The following PCDHA4 variants were observed in gnomAD, a reference collection of about 807,000 sequenced individuals.
The protein encoded by PCDHA4 is protocadherin alpha-4.
Under a neutral mutation model 61.4 loss-of-function variants are expected in PCDHA4, and 49 were observed. That is an observed-to-expected ratio of 0.80 (90% CI 0.63 to 1.01). The LOEUF (loss-of-function observed/expected upper bound fraction) is 1.01. Ranked by LOEUF, PCDHA4 falls within the 50% of genes least tolerant of loss-of-function variation. PCDHA4 has a pLI of 0.00. For synonymous variants in PCDHA4, 590 were observed against 550.3 expected (o/e 1.07, Z -1.01); for missense variants, 1,254 against 1,235.8 (o/e 1.01, Z -0.22).
chr5:140,854,993 C>T lies in PCDHA4; in HGVS notation c.2385+45421C>T, dbSNP rs781816835. Among the ~76,000 whole-genome samples, 37 of 149,404 alleles carry T rather than the reference C, an allele frequency of 2.5e-4. 3 individuals carry two copies. The highest frequency in any genetic ancestry group is 4.7e-4 in the Admixed American group (7 of 14,878). ...AATTATAATTAAGATTCTTTTTGCC[C>T]GTGTAAGATATTATAAAATGAAACT... is the stretch of plus-strand genomic sequence containing the variant. On this transcript the variant is annotated intron_variant, in intron 1 of 3. Coordinates refer to ENST00000530339, the MANE Select transcript of PCDHA4 (RefSeq NM_018907.4).
intron 1 of PCDHA4, among the ~76,000 whole-genome samples, chr5:140,911,460 G>A (rs1346001317): frequency 1.3e-5 from 2 of 152,140 alleles, no homozygotes; most frequent in African/African-American, 4.8e-5. Context: ...TTTCTCTACA[G>A]GAGATAAGAC....
At chr5:140,830,452 G>A (rs1771077963) in intron 1 of PCDHA4, 2 of 1,597,194 alleles carry the variant, frequency 1.3e-6, no homozygotes, top group African/African-American at 1.3e-5. Flanking sequence ...GTAAGGCGGA[G>A]AATCAGGATT....
At chr5:140,850,270 G>A (rs782505254) in intron 1 of PCDHA4, 1 of 1,594,948 alleles carries the variant, frequency 6.3e-7, no homozygotes, top group African/African-American at 1.3e-5. Flanking sequence ...GTAGTGGTGG[G>A]GAAGGTGCGC....
chr5:140,966,953 C>A, intron 1 of PCDHA4: 1 of 1,603,802 alleles, frequency 6.2e-7, no homozygotes. Flanking sequence ...CAACGTGGCT[C>A]GCGCGCTGGG....
Position 140,843,438 on chromosome 5 carries a change from C to A in PCDHA4, c.2385+33866C>A, listed in dbSNP as rs2150359947. 1.3e-4 allele frequency: 208 copies of A among 1,596,096 alleles called. 21 individuals are homozygous for A. The South Asian group carries it at 1.5e-3, about 11-fold the overall frequency. Reference sequence around the variant, plus strand: ...GTGTACCTGATCATCGCCATCTGCGCGGTATCCAGCCTGCTGGTGCTCACG... The same window carrying A: ...GTGTACCTGATCATCGCCATCTGCGAGGTATCCAGCCTGCTGGTGCTCACG... On this transcript the variant is annotated intron_variant, in intron 1 of 3. Transcript: ENST00000530339.
At position 140,948,398 on chromosome 5, in the gene PCDHA4, T is replaced by G. The variant is rs147325819; in HGVS notation, c.2386-30551T>G. 6.9e-3 allele frequency among the ~76,000 whole-genome samples: 1,051 copies of G among 151,748 alleles called. 6 individuals carry two copies. The highest frequency in any genetic ancestry group is 0.017 in the Middle Eastern group (5 of 294). Reference sequence around the variant, plus strand: ...CCTTCCTCTATTTTCTGAAAGGTTGTGTAATATTGGTGTTATTTCTTCCTT... The same window carrying G: ...CCTTCCTCTATTTTCTGAAAGGTTGGGTAATATTGGTGTTATTTCTTCCTT... On this transcript the variant is annotated intron_variant, in intron 1 of 3. Transcript: ENST00000530339.
intron 1 of PCDHA4, among the ~76,000 whole-genome samples, chr5:140,944,533 AG>A (rs1276351803): frequency 6.6e-6 from 1 of 152,148 alleles, no homozygotes; most frequent in Non-Finnish European, 1.5e-5. Flanking sequence ...AAATGATTTA[AG>A]TATTTAAAGA....
intron 1 of PCDHA4, chr5:140,829,244 G>A (rs1386334343): frequency 1.2e-5 from 19 of 1,614,148 alleles, no homozygotes; most frequent in Admixed American, 3.3e-5. Context: ...CAACGGGCAG[G>A]TGAACTGCTC....
intron 1 of PCDHA4, chr5:140,857,093 G>T (rs1554149523): frequency 6.3e-7 from 1 of 1,597,336 alleles, no homozygotes; most frequent in Admixed American, 1.7e-5. Flanking sequence ...TTCACCTGAG[G>T]TGATTGTCAC....
At chr5:140,918,848 G>T (rs2078891260) in intron 1 of PCDHA4, among the ~76,000 whole-genome samples, 1 of 152,134 alleles carries the variant, frequency 6.6e-6, no homozygotes, top group Admixed American at 6.5e-5. Flanking sequence ...TAAATCTGCT[G>T]GTGCCTGAAT....
chr5:140,853,120 C>T lies in PCDHA4; in HGVS notation c.2385+43548C>T, dbSNP rs1036865431. The T allele has an allele frequency of 1.7e-4, 85 of 494,062 alleles. 4 individuals carry two copies. Among genetic ancestry groups the T allele is most frequent in the Middle Eastern group, 1.0e-3 (1 of 976 alleles). 30.6% of individuals were successfully genotyped at this position (494,062 alleles called of 1,614,324 possible). On this transcript the variant is annotated intron_variant, in intron 1 of 3. Coordinates refer to ENST00000530339, the MANE Select transcript of PCDHA4 (RefSeq NM_018907.4). Reference sequence around the variant, plus strand: ...GGTCTCGATCTCCTGACCTCATGATCCTCCCGCCTCAGCCTCCCAAAATGC... The same window carrying T: ...GGTCTCGATCTCCTGACCTCATGATTCTCCCGCCTCAGCCTCCCAAAATGC...
At chr5:140,828,988 G>A (rs2150161679) in intron 1 of PCDHA4, 6 of 1,613,982 alleles carry the variant, frequency 3.7e-6, no homozygotes, top group Non-Finnish European at 5.1e-6. Flanking sequence ...ATCGAAATAC[G>A]GGAGAAATAG....
intron 1 of PCDHA4, chr5:140,852,588 T>A (rs2150519378): frequency 0.079 from 70,028 of 881,224 alleles, 6,599 homozygotes; most frequent in African/African-American, 0.093. Flanking sequence ...TTTTATTTTT[T>A]TTTTTTGTCA....
intron 1 of PCDHA4, chr5:140,862,483 G>A (rs1433222220): frequency 1.6e-5 from 6 of 382,112 alleles, no homozygotes; most frequent in Non-Finnish European, 2.6e-5. Context: ...ATCCATTGTT[G>A]GTAATCGCTC....
At chr5:140,968,474 G>A (rs1394773296) in intron 1 of PCDHA4, 2 of 1,614,110 alleles carry the variant, frequency 1.2e-6, no homozygotes, top group Non-Finnish European at 1.7e-6. Flanking sequence ...CGTATATGTG[G>A]TGGACATGAA....
At chr5:140,972,275 G>A (rs548735122) in intron 1 of PCDHA4, among the ~76,000 whole-genome samples, 1 of 150,974 alleles carries the variant, frequency 6.6e-6, no homozygotes, top group African/African-American at 2.4e-5. Flanking sequence ...GAGTAGCTTG[G>A]ACCATAGATG....
chr5:140,824,952 A>T (rs1480130328), intron 1 of PCDHA4: 2 of 152,172 alleles, frequency 1.3e-5, no homozygotes, highest in Non-Finnish European at 2.9e-5. Flanking sequence ...TTTAAAAATT[A>T]TATTTTTCAT....
chr5:140,838,264 C>T (rs1278285410), intron 1 of PCDHA4, among the ~76,000 whole-genome samples: 3 of 144,252 alleles, frequency 2.1e-5, no homozygotes, highest in Admixed American at 7.1e-5. Flanking sequence ...AAGACGCCAA[C>T]AACCAAGCCA....
intron 1 of PCDHA4, among the ~76,000 whole-genome samples, chr5:140,894,352 G>A (rs2064438357): frequency 6.6e-6 from 1 of 151,796 alleles, no homozygotes; most frequent in Admixed American, 6.6e-5. Context: ...TATTACTTCA[G>A]ATTTCTTCTT....
Sources: gnomAD v4.1 joint callset for allele counts (sites outside exome capture counted in the v4.1 genomes callset) on GRCh38, gnomAD v4.1.1 for gene constraint, MANE v1.5 for transcripts, NCBI Gene and HGNC (gene_info 2026-07-23, HGNC 2026-07-21) for gene names.